The following NOS1AP variants were observed in gnomAD, a reference collection of about 807,000 sequenced individuals.
NOS1AP encodes carboxyl-terminal PDZ ligand of neuronal nitric oxide synthase protein.
In NOS1AP, 21 loss-of-function variants were observed where a neutral mutation model predicts 56.2. The observed-to-expected ratio is 0.37, with a 90% CI of 0.26 to 0.54. NOS1AP has a LOEUF of 0.54. Ranked by LOEUF, NOS1AP falls within the 20% of genes least tolerant of loss-of-function variation. The pLI is 0.84. For synonymous variants in NOS1AP, 270 were observed against 274.6 expected, an observed-to-expected ratio of 0.98 and a Z score of 0.17; for missense variants, 522 against 657.8, an observed-to-expected ratio of 0.79 and a Z score of 2.26.
At chr1:162,284,363 G>A (rs908389951) in intron 2 of NOS1AP, among the ~76,000 whole-genome samples, 10 of 152,198 alleles carry the variant, frequency 6.6e-5, no homozygotes, top group African/African-American at 2.4e-4. Flanking sequence ...CTGACCAGCA[G>A]GCAGGTGGGG....
At chr1:162,261,491 AG>A (rs1215996247) in intron 2 of NOS1AP, among the ~76,000 whole-genome samples, 60 of 160 alleles carry the variant, frequency 0.38, 23 homozygotes, top group Non-Finnish European at 0.83. Flanking sequence ...AGAGAGAGAG[AG>A]AGAGAGAGAG....
At chr1:162,306,481 C>A (rs905443174) in intron 4 of NOS1AP, among the ~76,000 whole-genome samples, 5 of 152,188 alleles carry the variant, frequency 3.3e-5, no homozygotes, top group Non-Finnish European at 7.4e-5. Context: ...CTTCCCAAAT[C>A]TCCCACAAAT....
At chr1:162,284,266 C>T (rs971306813) in intron 2 of NOS1AP, among the ~76,000 whole-genome samples, 1 of 152,208 alleles carries the variant, frequency 6.6e-6, no homozygotes, top group African/African-American at 2.4e-5. Flanking sequence ...CAAGCATTTT[C>T]AGATACTTGA....
At chr1:162,073,376 G>A (rs1352739134) in intron 1 of NOS1AP, among the ~76,000 whole-genome samples, 1 of 152,220 alleles carries the variant, frequency 6.6e-6, no homozygotes, top group Non-Finnish European at 1.5e-5. Flanking sequence ...TTGGCCACGG[G>A]TTTGAGTCAC....
At chr1:162,160,025 G>T (rs531651422) in intron 2 of NOS1AP, among the ~76,000 whole-genome samples, 1 of 152,210 alleles carries the variant, frequency 6.6e-6, no homozygotes, top group African/African-American at 2.4e-5. Flanking sequence ...TAAACCAGGG[G>T]ATAGATCCCT....
At chr1:162,161,069 C>T (rs1234111979) in intron 2 of NOS1AP, among the ~76,000 whole-genome samples, 9 of 152,192 alleles carry the variant, frequency 5.9e-5, no homozygotes, top group Non-Finnish European at 1.2e-4. Flanking sequence ...CTTCACATCT[C>T]TTTCTCTGAC....
intron 4 of NOS1AP, among the ~76,000 whole-genome samples, chr1:162,321,861 A>G (rs1656433884): frequency 1.3e-5 from 2 of 151,798 alleles, no homozygotes; most frequent in African/African-American, 4.8e-5. Context: ...AACAATGGAT[A>G]CACATGGCCA....
intron 1 of NOS1AP, among the ~76,000 whole-genome samples, chr1:162,084,785 G>A (rs1691967779): frequency 6.6e-6 from 1 of 152,026 alleles, no homozygotes; most frequent in Admixed American, 6.6e-5. Context: ...AGGCTCAAGT[G>A]ATATTCCTGC....
At chr1:162,264,536 C>G (rs1372630418) in intron 2 of NOS1AP, among the ~76,000 whole-genome samples, 6 of 147,254 alleles carry the variant, frequency 4.1e-5, no homozygotes, top group African/African-American at 1.3e-4. Flanking sequence ...GAGACAGAGT[C>G]TCACTGGTCA....
intron 2 of NOS1AP, among the ~76,000 whole-genome samples, chr1:162,278,811 G>A (rs1654828698): frequency 2.0e-5 from 3 of 152,056 alleles, no homozygotes; most frequent in Non-Finnish European, 4.4e-5. Context: ...TGGGGTACAT[G>A]TGATAATTTG....
intron 1 of NOS1AP, among the ~76,000 whole-genome samples, chr1:162,134,033 T>C (rs1300716806): frequency 6.6e-6 from 1 of 152,102 alleles, no homozygotes; most frequent in Non-Finnish European, 1.5e-5. Context: ...TCTTCTAAAA[T>C]TGGGAGAAAA....
intron 2 of NOS1AP, among the ~76,000 whole-genome samples, chr1:162,210,244 G>A (rs919385819): frequency 1.3e-5 from 2 of 152,152 alleles, no homozygotes; most frequent in African/African-American, 4.8e-5. Context: ...GACGCATTGA[G>A]TGGGTTCCTT....
At chr1:162,157,963 G>A (rs75259475) in intron 2 of NOS1AP, among the ~76,000 whole-genome samples, 2,580 of 152,180 alleles carry the variant, frequency 0.017, 25 homozygotes, top group Non-Finnish European at 0.026. Context: ...TGTCTTGAGC[G>A]TATTTTGCTT....
intron 1 of NOS1AP, among the ~76,000 whole-genome samples, chr1:162,141,608 A>T (rs777035853): frequency 5.9e-5 from 9 of 152,044 alleles, no homozygotes; most frequent in Non-Finnish European, 1.3e-4. Context: ...CCTTTCACTG[A>T]TCGCCCTTGT....
intron 4 of NOS1AP, among the ~76,000 whole-genome samples, chr1:162,315,978 C>T (rs553648973): frequency 6.6e-6 from 1 of 152,290 alleles, no homozygotes; most frequent in African/African-American, 2.4e-5. Context: ...TCCTTAACCA[C>T]TTGTCTCACA....
intron 2 of NOS1AP, among the ~76,000 whole-genome samples, chr1:162,279,056 CCT>C (rs1381642416): frequency 6.6e-6 from 1 of 152,170 alleles, no homozygotes; most frequent in Non-Finnish European, 1.5e-5. Flanking sequence ...TTGCCATCCA[CCT>C]CTGTCTCTTT....
chr1:162,324,632 C>G (rs529214455), intron 4 of NOS1AP, among the ~76,000 whole-genome samples: 1 of 152,086 alleles, frequency 6.6e-6, no homozygotes, highest in South Asian at 2.1e-4. Context: ...ATGAGGGTGC[C>G]TTAGCTAGAC....
intron 3 of NOS1AP, among the ~76,000 whole-genome samples, chr1:162,288,435 A>G (rs1329619997): frequency 6.6e-6 from 1 of 152,106 alleles, no homozygotes; most frequent in African/African-American, 2.4e-5. Flanking sequence ...TATGGAAGCA[A>G]AGACAAATGA....
At position 162,070,051 on chromosome 1, in the gene NOS1AP, C is replaced by G. The variant is rs899881930; in HGVS notation, c.-127C>G. ...CCGGCCGCCGCGCGGCCAGGGCTCC[C>G]CCTGCCCAGCGCTCCCAGGCCCCGC... On this transcript the variant is annotated 5_prime_UTR_variant, in exon 1 of 10. Transcript: ENST00000361897. 2 of 676,838 alleles carry G rather than the reference C, an allele frequency of 3.0e-6. No individual in the cohort carries two copies. The highest frequency in any genetic ancestry group is 3.5e-5 in the East Asian group (1 of 28,498). 41.9% of individuals were successfully genotyped at this position (676,838 alleles called of 1,614,324 possible). A position where few individuals can be genotyped will look rare whatever the true frequency, so the allele number is the denominator to read the frequency against.
Sources: gnomAD v4.1 joint callset for allele counts (sites outside exome capture counted in the v4.1 genomes callset) on GRCh38, gnomAD v4.1.1 for gene constraint, MANE v1.5 for transcripts, NCBI Gene and HGNC (gene_info 2026-07-23, HGNC 2026-07-21) for gene names.